Variants in PACRGL observed in about 807,000 individuals in gnomAD.
The protein encoded by PACRGL is PACRG-like protein.
PACRGL carries 38 observed loss-of-function variants against 34.5 expected under a neutral mutation model. The ratio of observed to expected loss-of-function variants is 1.10; its 90% CI spans 0.85 to 1.44. The LOEUF is 1.44. Ranked by LOEUF, PACRGL falls within the 40% of genes most tolerant of loss-of-function variation. The pLI is 0.00. For missense variants in PACRGL, 305 were observed against 281.4 expected, an observed-to-expected ratio of 1.08 and a Z score of -0.60; for synonymous variants, 128 against 100.1, an observed-to-expected ratio of 1.28 and a Z score of -1.66.
chr4:20,724,752 G>T, intron 7 of PACRGL, 56 bp from the exon 8 acceptor site: 1 of 1,004,494 alleles, frequency 1.0e-6, no homozygotes, highest in South Asian at 2.2e-5. Context: ...TTATGCGTAT[G>T]GTGAGCATTG....
Position 20,708,009 on chromosome 4 carries a change from T to C in PACRGL, c.275+139T>C, listed in dbSNP as rs1465547260. On this transcript the variant is annotated intron_variant, in intron 4 of 8. Transcript: ENST00000503585. ...AAGATGACTTTATTCACACTTTCTTTTGGACTGGTATAGATTCCTGGATGT... is the reference window on the plus strand; with the variant it reads ...AAGATGACTTTATTCACACTTTCTTCTGGACTGGTATAGATTCCTGGATGT... The C allele has an allele frequency of 4.3e-6, 3 of 691,198 alleles. No individual in the cohort carries two copies. In the African/African-American group the frequency reaches 5.4e-5, roughly 13 times the overall value. 42.8% of individuals were successfully genotyped at this position (691,198 alleles called of 1,614,324 possible).
intron 8 of PACRGL, among the ~76,000 whole-genome samples, chr4:20,741,273 TC>T (rs1439923689): frequency 2.6e-5 from 4 of 152,172 alleles, no homozygotes; most frequent in Admixed American, 6.5e-5. Flanking sequence ...TATAGATTCT[TC>T]TCAGCACTAC....
chr4:20,736,429 T>C (rs1243092848), downstream of PACRGL, among the ~76,000 whole-genome samples: 2 of 152,222 alleles, frequency 1.3e-5, no homozygotes, highest in Non-Finnish European at 2.9e-5. Flanking sequence ...AACTAGTTGT[T>C]TGTATGTATG....
At chr4:20,715,057 A>G (rs181804765) in intron 7 of PACRGL, among the ~76,000 whole-genome samples, 12 of 152,342 alleles carry the variant, frequency 7.9e-5, no homozygotes, top group African/African-American at 2.9e-4. Flanking sequence ...GGATTAAGAA[A>G]ATGTGGTACA....
chr4:20,758,898 A>G, the PACRGL span: 117 of 1,611,574 alleles, frequency 7.3e-5, no homozygotes, highest in Non-Finnish European at 9.8e-5. Context: ...TTCCTAGGGA[A>G]AGTGGCAGAG....
intron 1 of PACRGL, among the ~76,000 whole-genome samples, chr4:20,704,249 C>T (rs1733547153): frequency 6.6e-6 from 1 of 152,134 alleles, no homozygotes; most frequent in Admixed American, 6.5e-5. Flanking sequence ...TTTTGTACAT[C>T]ATTTCTTGGA....
At position 20,719,305 on chromosome 4, in the gene PACRGL, G is replaced by C. The variant is rs142154336; in HGVS notation, c.610-5503G>C. On this transcript the variant is annotated intron_variant, in intron 7 of 8. Coordinates refer to ENST00000503585, the MANE Select transcript of PACRGL (RefSeq NM_001258345.3). ...CTCCTGGAGTCATTGATTTTTTGAA[G>C]GGTGTTTTGTGTCTCTATCTCCTTC... Among the ~76,000 whole-genome samples the C allele has an allele frequency of 4.9e-3, 750 of 152,216 alleles. 7 individuals carry two copies. Among genetic ancestry groups the C allele is most frequent in the African/African-American group, 0.017 (695 of 41,528 alleles).
chr4:20,704,107 A>G (rs780391514), intron 1 of PACRGL, among the ~76,000 whole-genome samples: 3 of 152,176 alleles, frequency 2.0e-5, no homozygotes, highest in Non-Finnish European at 2.9e-5. Flanking sequence ...GCCAGAGAAG[A>G]TGGAGAAGAT....
chr4:20,754,333 T>C (rs1291124679), downstream of PACRGL, among the ~76,000 whole-genome samples: 2 of 152,174 alleles, frequency 1.3e-5, no homozygotes, highest in African/African-American at 4.8e-5. Context: ...CAAAGCACTT[T>C]CCTGGAGGAA....
At position 20,729,665 on chromosome 4, in the gene PACRGL, G is replaced by GGAAATTAAATGCAGATGTCACTATATTA. The variant is rs1368047437; in HGVS notation, c.*2329_*2356dup. The GGAAATTAAATGCAGATGTCACTATATTA allele has an allele frequency of 6.5e-6, 1 of 153,628 alleles. No homozygotes were observed. Among genetic ancestry groups the GGAAATTAAATGCAGATGTCACTATATTA allele is most frequent in the Non-Finnish European group, 1.4e-5 (1 of 69,570 alleles). The allele number at this position is 153,628 out of a possible 1,614,324, so 9.5% of individuals were successfully genotyped here. ...AAACATGAAAATTAATTTAATTTCT[G>GGAAATTAAATGCAGATGTCACTATATTA]GAAATTAAATGCAGATGTCACTATA... is the stretch of plus-strand genomic sequence containing the variant. On this transcript the variant is annotated 3_prime_UTR_variant, in exon 9 of 9. Transcript: ENST00000503585.
intron 8 of PACRGL, among the ~76,000 whole-genome samples, chr4:20,742,975 GATA>G (rs1452411455): frequency 6.6e-6 from 1 of 150,766 alleles, no homozygotes; most frequent in African/African-American, 2.5e-5. Flanking sequence ...TTGCTTCAAA[GATA>G]ATAAAATACC....
chr4:20,707,448 A>G (rs1735028143), intron 3 of PACRGL, among the ~76,000 whole-genome samples: 1 of 152,206 alleles, frequency 6.6e-6, no homozygotes, highest in African/African-American at 2.4e-5. Context: ...GCTGAAGCAC[A>G]AAGTAGGAGA....
chr4:20,737,336 G>A (rs571740896), downstream of PACRGL, among the ~76,000 whole-genome samples: 1 of 152,314 alleles, frequency 6.6e-6, no homozygotes, highest in East Asian at 1.9e-4. Flanking sequence ...CAGCAACATG[G>A]AGGTCACCAG....
intron 7 of PACRGL, among the ~76,000 whole-genome samples, chr4:20,722,581 G>T (rs1302332862): frequency 2.6e-5 from 4 of 152,150 alleles, no homozygotes; most frequent in African/African-American, 9.7e-5. Context: ...GTTTTTATTG[G>T]TGTCTGTCAT....
intron 2 of PACRGL, 38 bp from the exon 3 acceptor site, chr4:20,704,622 T>A (rs369107629): frequency 1.9e-6 from 3 of 1,613,550 alleles, no homozygotes; most frequent in Admixed American, 1.7e-5. Flanking sequence ...ACTTTATTGC[T>A]TGTACCTGGT....
In PACRGL at chr4:20,749,605, C is replaced by T; in HGVS notation, c.*57-2960C>T. ...AATCATCACCAAACTCACATTTTCCCCCTAAAAAGACTAAACTCTAAATAG... is the reference window on the plus strand; with the variant it reads ...AATCATCACCAAACTCACATTTTCCTCCTAAAAAGACTAAACTCTAAATAG... On this transcript the variant is annotated intron_variant, in intron 8 of 8. Transcript: ENST00000507634. The T allele has an allele frequency of 8.3e-6, 10 of 1,199,496 alleles. No homozygotes were observed. In the South Asian group the frequency reaches 1.1e-4, roughly 13 times the overall value. 74.3% of individuals were successfully genotyped at this position (1,199,496 alleles called of 1,614,324 possible).
the PACRGL span, among the ~76,000 whole-genome samples, chr4:20,761,688 C>G: frequency 6.6e-6 from 1 of 152,124 alleles, no homozygotes; most frequent in Non-Finnish European, 1.5e-5. Flanking sequence ...AATTTGTTAG[C>G]TGCCTTCAGT....
chr4:20,730,025 T>TTAAGGGTGGTAGAATAGTTCACA lies in PACRGL; in HGVS notation c.*2686_*2708dup, dbSNP rs1284793464. ...TATGCTAAAAGTGGTAGCTCCAACTTTAAGGGTGGTAGAATAGTTCACATT... is the reference window on the plus strand; with the variant it reads ...TATGCTAAAAGTGGTAGCTCCAACTTTAAGGGTGGTAGAATAGTTCACATAAGGGTGGTAGAATAGTTCACATT... On this transcript the variant is annotated 3_prime_UTR_variant, in exon 9 of 9. Transcript: ENST00000503585. 6.4e-7 allele frequency: 1 copy of TTAAGGGTGGTAGAATAGTTCACA among 1,554,450 alleles called. No homozygotes were observed. The highest frequency in any genetic ancestry group is 8.7e-7 in the Non-Finnish European group (1 of 1,153,570).
intron 8 of PACRGL, among the ~76,000 whole-genome samples, chr4:20,726,571 A>C (rs1401245146): frequency 2.6e-5 from 4 of 152,166 alleles, no homozygotes; most frequent in African/African-American, 9.6e-5. Context: ...CTCTTCTAAG[A>C]CCTTAAAAGC....
Sources: gnomAD v4.1 joint callset for allele counts (sites outside exome capture counted in the v4.1 genomes callset) on GRCh38, gnomAD v4.1.1 for gene constraint, MANE v1.5 for transcripts, NCBI Gene and HGNC (gene_info 2026-07-23, HGNC 2026-07-21) for gene names.